The following TNFRSF19 variants were observed in gnomAD, a reference collection of about 807,000 sequenced individuals.
TNFRSF19 encodes the protein TNF receptor superfamily member 19.
Under a neutral mutation model 46.4 loss-of-function variants are expected in TNFRSF19, and 27 were observed. That is an observed-to-expected ratio of 0.58 (90% CI 0.43 to 0.80). The LOEUF (loss-of-function observed/expected upper bound fraction) is 0.80. Among genes scored for constraint, TNFRSF19 ranks in the 30% least tolerant of loss-of-function variants. The pLI, the probability that TNFRSF19 is intolerant of heterozygous loss-of-function variation, is 0.00. For synonymous variants in TNFRSF19, 204 were observed against 205.0 expected (o/e 1.00, Z 0.04); for missense variants, 511 against 530.8 (o/e 0.96, Z 0.37).
Position 23,590,232 on chromosome 13 carries a change from T to C in TNFRSF19, c.49T>C (p.Leu17=). Residue 17 remains leucine, a synonymous_variant, in exon 2 of 10, where the codon TTA becomes CTA. Coordinates refer to ENST00000248484, the MANE Select transcript of TNFRSF19 (RefSeq NM_148957.4). ...LEQEKTFFTL[L]VLLGYLSCKV... is the part of the protein sequence containing the mutation. ...ACAAGAGAAAACGTTTTTCACTCTT[T>C]TAGTATTACTAGGCTATTTGGTAAG... 1 of 1,590,422 alleles carries C rather than the reference T, an allele frequency of 6.3e-7. No individual in the cohort carries two copies.
At chr13:23,590,001 T>A (rs1446828089) in intron 1 of TNFRSF19, 149 bp from the exon 2 acceptor site, 1 of 376,652 alleles carries the variant, frequency 2.7e-6, no homozygotes, top group African/African-American at 2.1e-5. Flanking sequence ...ATATTATTTG[T>A]CTTTTTTCTT....
chr13:23,654,425 G>T (rs1022781163), intron 5 of TNFRSF19, among the ~76,000 whole-genome samples: 14 of 151,896 alleles, frequency 9.2e-5, no homozygotes, highest in African/African-American at 3.4e-4. Flanking sequence ...CTGCCCCCAC[G>T]TCTGATCACA....
intron 2 of TNFRSF19, 92 bp downstream of exon 2, chr13:23,590,344 AT>A (rs1008447408): frequency 2.9e-4 from 227 of 784,600 alleles, no homozygotes; most frequent in East Asian, 4.4e-4. Context: ...TTTATTTTTT[AT>A]TTTTTTTGAG....
intron 5 of TNFRSF19, among the ~76,000 whole-genome samples, chr13:23,631,416 A>T (rs1882355264): frequency 6.6e-6 from 1 of 152,164 alleles, no homozygotes; most frequent in African/African-American, 2.4e-5. Context: ...ACTTTTTTTC[A>T]TATAATGACT....
At position 23,659,283 on chromosome 13, in the gene TNFRSF19, T is replaced by C; in HGVS notation, c.610+69T>C. On this transcript the variant is annotated intron_variant, in intron 6 of 9. Coordinates refer to ENST00000248484, the MANE Select transcript of TNFRSF19 (RefSeq NM_148957.4). The surrounding 1 kb of genome is among the most constrained non-coding windows in gnomAD (Gnocchi z 4.9). The stretch of plus-strand genomic sequence containing the variant: ...GCATTTATTACTATTGTCGTGCAAG[T>C]GTTCCACAAGAGACTTGGCTGAGAC... 1 of 1,519,168 alleles carries C rather than the reference T, an allele frequency of 6.6e-7. No individual in the cohort carries two copies. Among genetic ancestry groups the C allele is most frequent in the Non-Finnish European group, 8.9e-7 (1 of 1,122,540 alleles). 94.1% of individuals were successfully genotyped at this position (1,519,168 alleles called of 1,614,324 possible). A position where few individuals can be genotyped will look rare whatever the true frequency, so the allele number is the denominator to read the frequency against.
intron 1 of TNFRSF19, among the ~76,000 whole-genome samples, chr13:23,571,251 C>A (rs1418502929): frequency 6.6e-6 from 1 of 152,170 alleles, no homozygotes; most frequent in East Asian, 1.9e-4. Context: ...AAAATGCTTT[C>A]TTTGTTTTCT....
chr13:23,639,926 T>C (rs895026358), intron 5 of TNFRSF19, among the ~76,000 whole-genome samples: 3 of 152,248 alleles, frequency 2.0e-5, no homozygotes, highest in Non-Finnish European at 2.9e-5. Context: ...ATGATGATAC[T>C]GTGGGGTTTT....
chr13:23,599,552 C>T (rs1879980146), intron 3 of TNFRSF19, among the ~76,000 whole-genome samples: 1 of 152,060 alleles, frequency 6.6e-6, no homozygotes, highest in Admixed American at 6.6e-5. Flanking sequence ...AGGGGGATTC[C>T]AGGTCACAGG....
intron 3 of TNFRSF19, among the ~76,000 whole-genome samples, chr13:23,614,800 A>T (rs1394856756): frequency 6.9e-6 from 1 of 144,472 alleles, no homozygotes; most frequent in Admixed American, 7.1e-5. Context: ...TGTAGTGGTT[A>T]TGAAGCCTGA....
intron 1 of TNFRSF19, among the ~76,000 whole-genome samples, chr13:23,578,832 G>A (rs1271221399): frequency 6.6e-6 from 1 of 152,224 alleles, no homozygotes; most frequent in Non-Finnish European, 1.5e-5. Flanking sequence ...GCGAGGGTGC[G>A]GCCGTCTCGG....
chr13:23,601,922 A>G lies in TNFRSF19; in HGVS notation c.180+8467A>G, dbSNP rs376269457. Reference sequence around the variant, plus strand: ...AAAATGAAACCACATAAAATGCTCAATTAAAACTACAAAAGGGAAAATGTG... The same window carrying G: ...AAAATGAAACCACATAAAATGCTCAGTTAAAACTACAAAAGGGAAAATGTG... On this transcript the variant is annotated intron_variant, in intron 3 of 9. Transcript: ENST00000248484. Among the ~76,000 whole-genome samples the G allele has an allele frequency of 3.9e-5, 6 of 152,218 alleles. No individual in the cohort carries two copies. The East Asian group carries it at 5.8e-4, about 15-fold the overall frequency.
At chr13:23,632,437 A>C (rs1882412424) in intron 5 of TNFRSF19, among the ~76,000 whole-genome samples, 1 of 152,190 alleles carries the variant, frequency 6.6e-6, no homozygotes, top group African/African-American at 2.4e-5. Flanking sequence ...TTTGTGGAAG[A>C]CAGATTACCC....
At chr13:23,621,048 T>C (rs1696962805) in intron 4 of TNFRSF19, among the ~76,000 whole-genome samples, 1 of 152,138 alleles carries the variant, frequency 6.6e-6, no homozygotes, top group African/African-American at 2.4e-5. Context: ...CTTAGGTGCA[T>C]GTCTGATATC....
intron 5 of TNFRSF19, among the ~76,000 whole-genome samples, chr13:23,652,867 A>G (rs1454846911): frequency 2.0e-5 from 3 of 152,212 alleles, no homozygotes; most frequent in Non-Finnish European, 4.4e-5. Context: ...TTTATCAGGC[A>G]CCAGCTGTGT....
At chr13:23,670,210 T>C (rs1047339035) in intron 9 of TNFRSF19, among the ~76,000 whole-genome samples, 3 of 152,230 alleles carry the variant, frequency 2.0e-5, no homozygotes, top group Admixed American at 2.0e-4. Context: ...GTTTTTGGGT[T>C]TTGAAACGGG....
intron 8 of TNFRSF19, 73 bp from the exon 9 acceptor site, chr13:23,668,619 G>A (rs925578170): frequency 8.6e-5 from 130 of 1,512,542 alleles, no homozygotes; most frequent in Admixed American, 4.7e-4. Flanking sequence ...CTAAAATTAC[G>A]GCTGACATGC....
At chr13:23,645,204 A>G (rs1883260524) in intron 5 of TNFRSF19, among the ~76,000 whole-genome samples, 1 of 152,186 alleles carries the variant, frequency 6.6e-6, no homozygotes, top group Non-Finnish European at 1.5e-5. Flanking sequence ...ATCCTGATGT[A>G]GCCTACCTTT....
chr13:23,673,047 C>G (rs1951782406), intron 9 of TNFRSF19, among the ~76,000 whole-genome samples: 2 of 152,254 alleles, frequency 1.3e-5, no homozygotes, highest in Non-Finnish European at 2.9e-5. Context: ...AAGAAAGAAG[C>G]TTTAAATGTT....
Position 23,674,443 on chromosome 13 carries a change from G to A in TNFRSF19, c.*1063G>A, listed in dbSNP as rs1951799036. ...AACTGCCCTAGTGTAGTTTGACCAG[G>A]ACATTGTCGTGCTCCTTCCAATTGT... On this transcript the variant is annotated 3_prime_UTR_variant, in exon 10 of 10. Transcript: ENST00000248484. 1 of 152,178 alleles carries A rather than the reference G, an allele frequency of 6.6e-6. No homozygotes were observed. The highest frequency in any genetic ancestry group is 1.5e-5 in the Non-Finnish European group (1 of 68,034). 9.4% of individuals were successfully genotyped at this position (152,178 alleles called of 1,614,324 possible).
Sources: allele counts gnomAD v4.1 joint callset (sites outside exome capture counted in the v4.1 genomes callset), GRCh38; gene constraint gnomAD v4.1.1; non-coding constraint Gnocchi (gnomAD v3.1); transcripts MANE v1.5; gene names NCBI Gene and HGNC (gene_info 2026-07-23, HGNC 2026-07-21).